CTBP2: variants seen among roughly 807,000 people sequenced by gnomAD.
CTBP2 encodes C-terminal binding protein 2.
CTBP2 carries 30 observed loss-of-function variants against 80.3 expected under a neutral mutation model. The ratio of observed to expected loss-of-function variants is 0.37; its 90% CI spans 0.28 to 0.51. CTBP2 has a LOEUF of 0.51. Ranked by LOEUF, CTBP2 falls within the 20% of genes least tolerant of loss-of-function variation. The pLI, the probability that CTBP2 is intolerant of heterozygous loss-of-function variation, is 0.93. For missense variants in CTBP2, 1,212 were observed against 1,375.3 expected, an observed-to-expected ratio of 0.88 and a Z score of 1.88; for synonymous variants, 594 against 587.4, an observed-to-expected ratio of 1.01 and a Z score of -0.16.
chr10:125,126,838 G>T (rs892107526), intron 1 of CTBP2, among the ~76,000 whole-genome samples: 3 of 152,096 alleles, frequency 2.0e-5, no homozygotes, highest in African/African-American at 7.2e-5. Context: ...AGAGCTGCGT[G>T]CACTTCTGAT....
chr10:125,001,231 G>A (rs1475019629), intron 3 of CTBP2: 6 of 152,344 alleles, frequency 3.9e-5, no homozygotes, highest in Non-Finnish European at 1.5e-5. Context: ...GTCTGGTCCA[G>A]CCGAGGAAGG....
intron 1 of CTBP2, among the ~76,000 whole-genome samples, chr10:125,145,105 T>C (rs1003203523): frequency 6.6e-5 from 10 of 152,238 alleles, no homozygotes; most frequent in African/African-American, 2.2e-4. Flanking sequence ...ATTTGAGTTA[T>C]ATAAAATCTT....
In CTBP2 at chr10:125,071,264, G is replaced by C. The variant is rs542277543; in HGVS notation, c.-101-32109C>G. On this transcript the variant is annotated intron_variant, in intron 2 of 10. Coordinates refer to the CTBP2 transcript ENST00000337195. ...TTTGCGGGAAGGCCCAAGAACATGA[G>C]AGCCTGGTTGAAGGCCACTGGACGG... is the stretch of plus-strand genomic sequence containing the variant. Among the ~76,000 whole-genome samples, 8 of 152,364 alleles carry C rather than the reference G, an allele frequency of 5.3e-5. No homozygotes were observed. In the South Asian group the frequency reaches 1.2e-3, roughly 24 times the overall value.
intron 2 of CTBP2, among the ~76,000 whole-genome samples, chr10:125,102,637 C>G (rs1434352846): frequency 6.6e-6 from 1 of 152,196 alleles, no homozygotes; most frequent in Non-Finnish European, 1.5e-5. Context: ...CAGTGAGTTT[C>G]AATTGAATTA....
chr10:125,035,173 T>C (rs1000311710), intron 3 of CTBP2, among the ~76,000 whole-genome samples: 4 of 152,236 alleles, frequency 2.6e-5, no homozygotes, highest in South Asian at 2.1e-4. Flanking sequence ...ACAAAGGTGA[T>C]GCAGAATGAG....
intron 1 of CTBP2, among the ~76,000 whole-genome samples, chr10:125,157,180 A>G (rs964885179): frequency 6.6e-6 from 1 of 152,138 alleles, no homozygotes; most frequent in Non-Finnish European, 1.5e-5. Context: ...ATAAATTGCA[A>G]CTCGTGCAAG....
At chr10:125,136,990 AC>A (rs1196412239) in intron 1 of CTBP2, among the ~76,000 whole-genome samples, 1 of 152,216 alleles carries the variant, frequency 6.6e-6, no homozygotes, top group African/African-American at 2.4e-5. Flanking sequence ...ACCAAACCTG[AC>A]CCACCCAAAT....
rs535613796 is a variant in CTBP2, at chr10:125,098,958, A to G, written c.-102+12032T>C. Among the ~76,000 whole-genome samples, 3 of 152,242 alleles carry G rather than the reference A, an allele frequency of 2.0e-5. No individual in the cohort carries two copies. The South Asian group carries it at 6.2e-4, about 32-fold the overall frequency. On this transcript the variant is annotated intron_variant, in intron 2 of 10. Coordinates refer to the CTBP2 transcript ENST00000337195. ...GGGGAATGGAACTGCAAAGCTTACA[A>G]TAAACTCAGCAAGCTCACCTGACTG...
In CTBP2 at chr10:125,026,283, T is replaced by C. The variant is rs749387250; in HGVS notation, c.1477A>G (p.Arg493Gly). 1.2e-6 allele frequency: 2 copies of C among 1,613,878 alleles called. No individual in the cohort carries two copies. Among genetic ancestry groups the C allele is most frequent in the East Asian group, 4.5e-5 (2 of 44,860 alleles). The change falls in exon 1 of 9, where the codon AGG (arginine) becomes GGG (glycine). Residue 493 changes from arginine (R) to glycine (G), a missense_variant. This residue lies in a region of CTBP2 where 848 missense variants were observed against 782.3 expected (regional missense o/e 1.08). Coordinates refer to ENST00000309035, the MANE Select transcript of CTBP2 (RefSeq NM_022802.3). ...GGAGAGGCGGCCACGTTGCGCTCCC[T>C]CTTTAGCAGCTCCATGGGCACCGTG... is the stretch of plus-strand genomic sequence containing the variant.
chr10:125,161,506 TG>T (rs1861892554), upstream of CTBP2, among the ~76,000 whole-genome samples: 1 of 151,776 alleles, frequency 6.6e-6, no homozygotes, highest in Non-Finnish European at 1.5e-5. Context: ...AACTTCCTCC[TG>T]GTGCCCCGCA....
chr10:124,992,837 T>C, intron 7 of CTBP2, 25 bp from the exon 10 acceptor site: 1 of 1,541,162 alleles, frequency 6.5e-7, no homozygotes, highest in Non-Finnish European at 8.9e-7. Context: ...TTAAAATTAA[T>C]CATATTATTT....
upstream of CTBP2, among the ~76,000 whole-genome samples, chr10:125,031,404 G>C (rs1958176614): frequency 6.7e-6 from 1 of 148,586 alleles, no homozygotes; most frequent in African/African-American, 2.5e-5. Context: ...CAGGAGAATG[G>C]CGTGAACCCG....
intron 3 of CTBP2, among the ~76,000 whole-genome samples, chr10:125,034,198 G>A (rs1474609815): frequency 1.3e-5 from 2 of 152,222 alleles, no homozygotes; most frequent in South Asian, 2.1e-4. Context: ...GCTGCAGAAC[G>A]GGAGGGCAGT....
intron 2 of CTBP2, among the ~76,000 whole-genome samples, chr10:125,049,204 A>G (rs1962108528): frequency 6.6e-6 from 1 of 152,142 alleles, no homozygotes; most frequent in South Asian, 2.1e-4. Flanking sequence ...GTTGGAGAAG[A>G]ATGGGAGGGG....
rs1345396608 is a variant in CTBP2, at chr10:125,026,946, T to A, written c.814A>T (p.Thr272Ser). Residue 272 changes from threonine (T) to serine (S), a missense_variant, in exon 1 of 9, where the codon ACT becomes TCT. Transcript: ENST00000309035. ...AAGGTGGACAGGTCAGCTTCGTAAG[T>A]CTCGTAAGCCATCTTGGATGGGATG... 6.2e-7 allele frequency: 1 copy of A among 1,614,034 alleles called. No individual in the cohort carries two copies. The highest frequency in any genetic ancestry group is 8.5e-7 in the Non-Finnish European group (1 of 1,180,012).
chr10:125,159,529 C>T (rs1861576715), intron 1 of CTBP2, among the ~76,000 whole-genome samples: 1 of 148,944 alleles, frequency 6.7e-6, no homozygotes, highest in South Asian at 2.1e-4. Flanking sequence ...TGTGGCCCGG[C>T]TGCCCGGAGG....
At chr10:125,075,275 G>T (rs528326404) in intron 2 of CTBP2, among the ~76,000 whole-genome samples, 1 of 152,302 alleles carries the variant, frequency 6.6e-6, no homozygotes, top group South Asian at 2.1e-4. Context: ...TGGCCCCCAA[G>T]AAGAGTATGC....
chr10:125,047,655 C>T (rs1333951346), intron 2 of CTBP2, among the ~76,000 whole-genome samples: 3 of 152,210 alleles, frequency 2.0e-5, no homozygotes, highest in Non-Finnish European at 4.4e-5. Flanking sequence ...AAACTTAATA[C>T]AATTTATTAG....
intron 1 of CTBP2, among the ~76,000 whole-genome samples, chr10:125,123,113 C>G (rs543254780): frequency 6.6e-6 from 1 of 152,324 alleles, no homozygotes; most frequent in South Asian, 2.1e-4. Flanking sequence ...TTTCTTTGAG[C>G]AAACTGGGTC....
Sources: allele counts gnomAD v4.1 joint callset (sites outside exome capture counted in the v4.1 genomes callset), GRCh38; gene constraint gnomAD v4.1.1; regional missense constraint gnomAD v4.1.1; transcripts MANE v1.5; gene names NCBI Gene and HGNC (gene_info 2026-07-23, HGNC 2026-07-21).